SPATS2L: variants seen among roughly 807,000 people sequenced by gnomAD.
The protein encoded by SPATS2L is SPATS2-like protein.
SPATS2L carries 30 observed loss-of-function variants against 59.6 expected under a neutral mutation model. That is an observed-to-expected ratio of 0.50 (90% CI 0.38 to 0.68). The LOEUF is 0.68. SPATS2L is among the 30% of genes least tolerant of loss of function. SPATS2L has a pLI of 0.00. For missense variants in SPATS2L, 615 were observed against 700.0 expected, an observed-to-expected ratio of 0.88 and a Z score of 1.37; for synonymous variants, 252 against 263.5, an observed-to-expected ratio of 0.96 and a Z score of 0.42.
At chr2:200,464,999 T>C (rs1207145810) in intron 9 of SPATS2L, among the ~76,000 whole-genome samples, 1 of 152,190 alleles carries the variant, frequency 6.6e-6, no homozygotes, top group Non-Finnish European at 1.5e-5. Context: ...TCCCTTTAAG[T>C]AATAGATTAA....
intron 1 of SPATS2L, among the ~76,000 whole-genome samples, chr2:200,317,446 C>G (rs1331318903): frequency 6.6e-6 from 1 of 152,204 alleles, no homozygotes; most frequent in African/African-American, 2.4e-5. Flanking sequence ...GTAAGTCAAA[C>G]TTATCCTCAT....
intron 1 of SPATS2L, chr2:200,309,059 G>A (rs765441075): frequency 4.2e-6 from 3 of 717,878 alleles, no homozygotes; most frequent in African/African-American, 1.7e-5. Context: ...TTGCATGCCA[G>A]TCTGAAGCAT....
intron 2 of SPATS2L, among the ~76,000 whole-genome samples, chr2:200,341,850 C>A (rs2080339268): frequency 6.6e-6 from 1 of 151,882 alleles, no homozygotes; most frequent in African/African-American, 2.4e-5. Flanking sequence ...CCACCACGCC[C>A]AGATATTTTT....
In SPATS2L at chr2:200,455,551, G is replaced by A. The variant is rs545268447; in HGVS notation, c.789-4218G>A. Among the ~76,000 whole-genome samples, 4 of 152,296 alleles carry A rather than the reference G, an allele frequency of 2.6e-5. No homozygotes were observed. In the South Asian group the frequency reaches 6.2e-4, roughly 24 times the overall value. The stretch of plus-strand genomic sequence containing the variant: ...TCAGAAAGTGATCAGCTCACATTTC[G>A]AGGCAACTGAGGGCTGATATGTGTC... On this transcript the variant is annotated intron_variant, in intron 8 of 12. Coordinates refer to ENST00000409140, the MANE Select transcript of SPATS2L (RefSeq NM_001100423.2).
At chr2:200,361,094 C>G (rs965958401) in intron 2 of SPATS2L, among the ~76,000 whole-genome samples, 2 of 142,950 alleles carry the variant, frequency 1.4e-5, no homozygotes, top group Non-Finnish European at 3.0e-5. Flanking sequence ...CCCACACACA[C>G]ACATCCCTAC....
intron 2 of SPATS2L, among the ~76,000 whole-genome samples, chr2:200,362,631 T>C (rs1210081356): frequency 6.6e-6 from 1 of 152,178 alleles, no homozygotes; most frequent in African/African-American, 2.4e-5. Context: ...AGGATGGAAA[T>C]TATGACCTTT....
At chr2:200,459,475 T>C (rs1195602796) in intron 8 of SPATS2L, among the ~76,000 whole-genome samples, 1 of 152,174 alleles carries the variant, frequency 6.6e-6, no homozygotes, top group Non-Finnish European at 1.5e-5. Flanking sequence ...AGGACAAAAA[T>C]ATTCCCAAAT....
At chr2:200,431,875 G>T (rs2083956965) in intron 6 of SPATS2L, among the ~76,000 whole-genome samples, 2 of 152,132 alleles carry the variant, frequency 1.3e-5, no homozygotes, top group South Asian at 2.1e-4. Context: ...TTCATTTATT[G>T]TATAAAATAA....
intron 1 of SPATS2L, among the ~76,000 whole-genome samples, chr2:200,312,585 TTC>T (rs2079229035): frequency 6.6e-6 from 1 of 152,212 alleles, no homozygotes; most frequent in African/African-American, 2.4e-5. Context: ...ATTATATACA[TTC>T]TCTCCTTTAT....
chr2:200,427,530 A>G (rs1440869997), intron 6 of SPATS2L, among the ~76,000 whole-genome samples: 1 of 149,240 alleles, frequency 6.7e-6, no homozygotes, highest in Admixed American at 6.7e-5. Flanking sequence ...ATACATATAT[A>G]TTAAACCTAT....
At chr2:200,357,898 C>A (rs2105861229) in intron 2 of SPATS2L, among the ~76,000 whole-genome samples, 1 of 152,250 alleles carries the variant, frequency 6.6e-6, no homozygotes, top group South Asian at 2.1e-4. Context: ...GTCATCAAAT[C>A]ATCAGTTTGA....
At chr2:200,460,483 C>T (rs1183649896) in intron 9 of SPATS2L, among the ~76,000 whole-genome samples, 1 of 152,144 alleles carries the variant, frequency 6.6e-6, no homozygotes, top group African/African-American at 2.4e-5. Flanking sequence ...CGGTGGCTTA[C>T]GCCTGTAATC....
chr2:200,353,826 C>G (rs2080820243), intron 2 of SPATS2L, among the ~76,000 whole-genome samples: 1 of 152,200 alleles, frequency 6.6e-6, no homozygotes, highest in Admixed American at 6.5e-5. Context: ...GAAACTACAG[C>G]TTTTACATTT....
chr2:200,457,491 C>G (rs1017567043), intron 8 of SPATS2L, among the ~76,000 whole-genome samples: 1 of 152,198 alleles, frequency 6.6e-6, no homozygotes, highest in African/African-American at 2.4e-5. Flanking sequence ...CACTGTACAC[C>G]TTTCTGTATC....
rs546658850 is a variant in SPATS2L at position 200,313,494 on chromosome 2, C to G, written c.-73+6572C>G. ...CTTCCCACTCCTTGTCTTCCTTTCC[C>G]TTATTCCAGTCTGATGCTAATCCCT... On this transcript the variant is annotated intron_variant, in intron 1 of 12. Coordinates refer to ENST00000409140, the MANE Select transcript of SPATS2L (RefSeq NM_001100423.2). Among the ~76,000 whole-genome samples, 17 of 152,326 alleles carry G rather than the reference C, an allele frequency of 1.1e-4. 1 individual carries two copies. The South Asian group carries it at 3.5e-3, about 32-fold the overall frequency.
intron 2 of SPATS2L, among the ~76,000 whole-genome samples, chr2:200,354,627 T>C: frequency 6.6e-6 from 1 of 150,748 alleles, no homozygotes; most frequent in African/African-American, 2.5e-5. Flanking sequence ...GAGAATGGAG[T>C]TCAGCCTTTT....
In SPATS2L at chr2:200,335,359, C is replaced by CA. The variant is rs1265574940; in HGVS notation, c.-23+5880dup. Among the ~76,000 whole-genome samples the CA allele has an allele frequency of 5.2e-4, 76 of 145,440 alleles. 1 individual carries two copies. In the Admixed American group the frequency reaches 5.3e-3, roughly 10 times the overall value. ...CGCCACTACACTCTGGCCTGGGCGACAGAGCAAAGATTCTGTCTCAAAAAA... is the reference window on the plus strand; with the variant it reads ...CGCCACTACACTCTGGCCTGGGCGACAAGAGCAAAGATTCTGTCTCAAAAAA... On this transcript the variant is annotated intron_variant, in intron 2 of 12. Coordinates refer to ENST00000409140, the MANE Select transcript of SPATS2L (RefSeq NM_001100423.2).
chr2:200,306,973 G>C, intron 1 of SPATS2L, 51 bp downstream of exon 1: 1 of 983,150 alleles, frequency 1.0e-6, no homozygotes, highest in Non-Finnish European at 1.2e-6. Context: ...GCAGGGCGCG[G>C]GCGGACGCGG....
intron 3 of SPATS2L, among the ~76,000 whole-genome samples, chr2:200,405,922 G>C (rs1393765808): frequency 2.0e-5 from 3 of 152,318 alleles, no homozygotes; most frequent in Admixed American, 6.5e-5. Flanking sequence ...TTTTGGGCTT[G>C]AATCCATTAA....
Sources: allele counts gnomAD v4.1 joint callset (sites outside exome capture counted in the v4.1 genomes callset), GRCh38; gene constraint gnomAD v4.1.1; transcripts MANE v1.5; gene names NCBI Gene and HGNC (gene_info 2026-07-23, HGNC 2026-07-21).